Variants in ANKS1B observed in about 807,000 individuals in gnomAD.
ANKS1B encodes ankyrin repeat and sterile alpha motif domain-containing protein 1B.
In ANKS1B, 36 loss-of-function variants were observed where a neutral mutation model predicts 148.3. The observed-to-expected ratio is 0.24, with a 90% CI of 0.19 to 0.32. ANKS1B has a LOEUF of 0.32. ANKS1B is among the 10% of genes least tolerant of loss of function. The pLI, the probability that ANKS1B is intolerant of heterozygous loss-of-function variation, is 1.00. For missense variants in ANKS1B, 1,157 were observed against 1,542.6 expected, an observed-to-expected ratio of 0.75 and a Z score of 4.19; for synonymous variants, 542 against 560.8, an observed-to-expected ratio of 0.97 and a Z score of 0.47.
intron 1 of ANKS1B, among the ~76,000 whole-genome samples, chr12:99,879,363 C>T (rs2092340226): frequency 6.6e-6 from 1 of 152,202 alleles, no homozygotes; most frequent in South Asian, 2.1e-4. Context: ...ACTTTGCAGT[C>T]TCTCAGGTTC....
At chr12:99,522,271 CAGGTCCTTT>C (rs1457309218) in intron 9 of ANKS1B, among the ~76,000 whole-genome samples, 1 of 152,192 alleles carries the variant, frequency 6.6e-6, no homozygotes, top group Non-Finnish European at 1.5e-5. Flanking sequence ...GAATCCCAAA[CAGGTCCTTT>C]AGGCCCTGTG....
At chr12:98,842,955 T>C (rs1052911785) in intron 17 of ANKS1B, among the ~76,000 whole-genome samples, 2 of 152,312 alleles carry the variant, frequency 1.3e-5, no homozygotes, top group East Asian at 1.9e-4. Context: ...AGTAAAAATG[T>C]TTATGCTTTC....
intron 1 of ANKS1B, among the ~76,000 whole-genome samples, chr12:99,858,884 G>T (rs1026029602): frequency 6.6e-6 from 1 of 152,046 alleles, no homozygotes; most frequent in African/African-American, 2.4e-5. Context: ...GGAAAGAGGG[G>T]GCGGGTGAGG....
intron 12 of ANKS1B, among the ~76,000 whole-genome samples, chr12:99,317,358 T>G (rs1276443062): frequency 6.6e-6 from 1 of 152,202 alleles, no homozygotes; most frequent in East Asian, 1.9e-4. Context: ...GGTTTGTAGT[T>G]CTCCTTGAAG....
At chr12:99,908,841 C>CT (rs1489442854) in intron 1 of ANKS1B, among the ~76,000 whole-genome samples, 1 of 151,994 alleles carries the variant, frequency 6.6e-6, no homozygotes, top group African/African-American at 2.4e-5. Flanking sequence ...TCTCAGATAC[C>CT]TTTTTTCCCC....
chr12:98,993,793 C>A (rs972616875), intron 17 of ANKS1B, among the ~76,000 whole-genome samples: 4 of 152,124 alleles, frequency 2.6e-5, no homozygotes, highest in Non-Finnish European at 4.4e-5. Context: ...AGAATACTTT[C>A]AACTCTGTTT....
chr12:99,343,091 T>C (rs1377780709), intron 12 of ANKS1B, among the ~76,000 whole-genome samples: 1 of 152,028 alleles, frequency 6.6e-6, no homozygotes, highest in Non-Finnish European at 1.5e-5. Context: ...CAAATACAAG[T>C]TTTCAAATCT....
intron 9 of ANKS1B, among the ~76,000 whole-genome samples, chr12:99,583,925 T>C (rs1312216218): frequency 3.9e-5 from 6 of 152,238 alleles, no homozygotes; most frequent in Non-Finnish European, 8.8e-5. Flanking sequence ...TAAATTACTT[T>C]GCCTATTCAA....
At chr12:98,901,919 C>T (rs2099772656) in intron 17 of ANKS1B, among the ~76,000 whole-genome samples, 2 of 152,134 alleles carry the variant, frequency 1.3e-5, no homozygotes, top group Admixed American at 1.3e-4. Flanking sequence ...CAGACTGACT[C>T]CCAGCACTTA....
intron 14 of ANKS1B, among the ~76,000 whole-genome samples, chr12:99,203,411 C>A (rs1454786661): frequency 6.6e-6 from 1 of 152,146 alleles, no homozygotes; most frequent in Non-Finnish European, 1.5e-5. Flanking sequence ...CTGCCAGAAG[C>A]CTTTCCTGAT....
chr12:99,071,627 A>C (rs2046300478), intron 16 of ANKS1B, among the ~76,000 whole-genome samples: 1 of 149,034 alleles, frequency 6.7e-6, no homozygotes, highest in South Asian at 2.2e-4. Flanking sequence ...TATTAGGCTT[A>C]TTCATTTAAT....
rs543170056 is a variant in ANKS1B, at chr12:99,732,793, T to C, written c.1128+40129A>G. ...AGCAATGTATTAAATAGTTTAATAGTAGAGAAAGATCAGAAAGATCAAGAC... is the reference window on the plus strand; with the variant it reads ...AGCAATGTATTAAATAGTTTAATAGCAGAGAAAGATCAGAAAGATCAAGAC... On this transcript the variant is annotated intron_variant, in intron 8 of 26. Transcript: ENST00000683438. Among the ~76,000 whole-genome samples the C allele has an allele frequency of 9.9e-4, 151 of 152,282 alleles. 1 individual carries two copies. The highest frequency in any genetic ancestry group is 1.9e-3 in the Non-Finnish European group (126 of 68,014).
intron 17 of ANKS1B, among the ~76,000 whole-genome samples, chr12:98,834,449 A>G (rs1231606399): frequency 6.6e-6 from 1 of 152,228 alleles, no homozygotes; most frequent in Non-Finnish European, 1.5e-5. Context: ...CAGGGACAAA[A>G]GTATACACTG....
chr12:99,443,807 T>C lies in ANKS1B; in HGVS notation c.1441A>G (p.Asn481Asp). 1 of 1,609,314 alleles carries C rather than the reference T, an allele frequency of 6.2e-7. No individual in the cohort carries two copies. The highest frequency in any genetic ancestry group is 8.5e-7 in the Non-Finnish European group (1 of 1,177,588). The change falls in exon 11 of 27, where the codon AAT becomes GAT. Residue 481 changes from asparagine (N) to aspartate (D), a missense_variant and splice_region_variant. This residue lies in a region of ANKS1B where 661 missense variants were observed against 642.1 expected (regional missense o/e 1.03). Coordinates refer to ENST00000683438, the MANE Select transcript of ANKS1B (RefSeq NM_001352186.2). Reference protein sequence around the residue: ...IARAPSPRTDNASEVAVTTPG... With the variant: ...IARAPSPRTDDASEVAVTTPG... ...GTAGTAACTGCTACCTCAGAGGCATTATCTGTGAATAAAAATAGAACTGCC... is the reference window on the plus strand; with the variant it reads ...GTAGTAACTGCTACCTCAGAGGCATCATCTGTGAATAAAAATAGAACTGCC...
intron 11 of ANKS1B, among the ~76,000 whole-genome samples, chr12:99,413,603 AG>A (rs2152683713): frequency 6.6e-6 from 1 of 152,330 alleles, no homozygotes; most frequent in East Asian, 1.9e-4. Context: ...AAACTCTTAC[AG>A]TCACTACATT....
chr12:99,165,283 G>A (rs1413882251), intron 14 of ANKS1B, among the ~76,000 whole-genome samples: 2 of 151,878 alleles, frequency 1.3e-5, no homozygotes, highest in Non-Finnish European at 2.9e-5. Context: ...ATAAAGATCA[G>A]AGGGGAAATA....
chr12:99,465,600 C>T (rs2096089513), intron 10 of ANKS1B, among the ~76,000 whole-genome samples: 1 of 152,022 alleles, frequency 6.6e-6, no homozygotes, highest in African/African-American at 2.4e-5. Context: ...GGAGGAAGAT[C>T]TACCAAGCAA....
Position 99,422,328 on chromosome 12 carries a change from T to C in ANKS1B, c.1575+21345A>G, listed in dbSNP as rs560400706. On this transcript the variant is annotated intron_variant, in intron 11 of 26. Coordinates refer to ENST00000683438, the MANE Select transcript of ANKS1B (RefSeq NM_001352186.2). ...GCACTATCCAATATTAACTAAAAGATAGATGCCATTCTTTCCCTCAAGCAC... is the reference window on the plus strand; with the variant it reads ...GCACTATCCAATATTAACTAAAAGACAGATGCCATTCTTTCCCTCAAGCAC... 9.2e-5 allele frequency among the ~76,000 whole-genome samples: 14 copies of C among 152,258 alleles called. No homozygotes were observed. In the South Asian group the frequency reaches 2.7e-3, roughly 29 times the overall value.
intron 12 of ANKS1B, among the ~76,000 whole-genome samples, chr12:99,280,840 A>ATCTCTCTCTC (rs142595888): frequency 1.9e-4 from 28 of 144,532 alleles, no homozygotes; most frequent in African/African-American, 6.6e-4. Flanking sequence ...CTTATAATAA[A>ATCTCTCTCTC]TCTCTCTCTC....
Sources: allele counts gnomAD v4.1 joint callset (sites outside exome capture counted in the v4.1 genomes callset), GRCh38; gene constraint gnomAD v4.1.1; regional missense constraint gnomAD v4.1.1; transcripts MANE v1.5; gene names NCBI Gene and HGNC (gene_info 2026-07-23, HGNC 2026-07-21).